The following PPP4R3B variants were observed in gnomAD, a reference collection of about 807,000 sequenced individuals.
PPP4R3B encodes the protein serine/threonine-protein phosphatase 4 regulatory subunit 3B.
PPP4R3B carries 52 observed loss-of-function variants against 95.4 expected under a neutral mutation model. The observed-to-expected ratio is 0.54, with a 90% CI of 0.44 to 0.69. The LOEUF (loss-of-function observed/expected upper bound fraction) is 0.69, where lower values mean the gene tolerates loss of function less well. Among genes scored for constraint, PPP4R3B ranks in the 30% least tolerant of loss-of-function variants. PPP4R3B has a pLI of 0.00. For synonymous variants in PPP4R3B, 407 were observed against 343.9 expected, an observed-to-expected ratio of 1.18 and a Z score of -2.03; for missense variants, 1,003 against 1,005.9, an observed-to-expected ratio of 1.00 and a Z score of 0.04.
chr2:55,591,489 G>GT (rs1691020286), intron 4 of PPP4R3B: 2 of 975,494 alleles, frequency 2.1e-6, no homozygotes, highest in Non-Finnish European at 2.4e-6. Flanking sequence ...GTTAGGGTGA[G>GT]TAAGTACATA....
At chr2:55,555,558 A>G (rs1395585480) in intron 16 of PPP4R3B, among the ~76,000 whole-genome samples, 1 of 152,048 alleles carries the variant, frequency 6.6e-6, no homozygotes, top group Admixed American at 6.6e-5. Context: ...TACTGAAAAT[A>G]CAAAAATTAG....
intron 2 of PPP4R3B, among the ~76,000 whole-genome samples, chr2:55,612,901 G>A (rs545507884): frequency 2.0e-5 from 3 of 149,706 alleles, no homozygotes; most frequent in East Asian, 2.0e-4. Flanking sequence ...AGCAGAAATC[G>A]CACCACCACA....
intron 15 of PPP4R3B, among the ~76,000 whole-genome samples, chr2:55,561,234 A>C (rs1686574676): frequency 1.3e-5 from 2 of 152,198 alleles, no homozygotes; most frequent in Admixed American, 6.5e-5. Flanking sequence ...TGTGGGGTAG[A>C]GGCAAGAACT....
At chr2:55,551,633 C>T (rs1685254732) in intron 16 of PPP4R3B, among the ~76,000 whole-genome samples, 1 of 151,908 alleles carries the variant, frequency 6.6e-6, no homozygotes, top group African/African-American at 2.4e-5. Flanking sequence ...TGCCTGTAAT[C>T]CCAGCTGCTT....
intron 2 of PPP4R3B, among the ~76,000 whole-genome samples, chr2:55,605,652 A>G (rs1693269506): frequency 2.0e-5 from 3 of 152,270 alleles, no homozygotes; most frequent in South Asian, 4.1e-4. Context: ...TCACACCTGT[A>G]ATCCCAACAC....
intron 16 of PPP4R3B, among the ~76,000 whole-genome samples, chr2:55,557,529 A>G (rs1034501901): frequency 6.6e-6 from 1 of 152,246 alleles, no homozygotes; most frequent in Admixed American, 6.5e-5. Flanking sequence ...GTCCCATCAT[A>G]AAGTTGAAAA....
At chr2:55,610,681 C>G (rs879439483) in intron 2 of PPP4R3B, among the ~76,000 whole-genome samples, 12 of 152,178 alleles carry the variant, frequency 7.9e-5, no homozygotes, top group Non-Finnish European at 1.3e-4. Flanking sequence ...TTTGTTGCCT[C>G]ATGTGTGAAA....
chr2:55,592,616 C>T (rs6737995), intron 4 of PPP4R3B, among the ~76,000 whole-genome samples: 34,334 of 151,950 alleles, frequency 0.23, 3,981 homozygotes, highest in East Asian at 0.29. Context: ...AAAACCTTAG[C>T]ATCTGCAAAA....
In PPP4R3B at chr2:55,548,116, C is replaced by T. The variant is rs1406934608; in HGVS notation, c.*1795G>A. ...GTCTTTCTTTCTTACTATATGTACA[C>T]CTTTAATTGAAAAGGTGAGAAAAGC... On this transcript the variant is annotated 3_prime_UTR_variant, in exon 17 of 17. Transcript: ENST00000616407. 6.6e-6 allele frequency: 1 copy of T among 152,162 alleles called. No homozygotes were observed. Among genetic ancestry groups the T allele is most frequent in the Admixed American group, 6.5e-5 (1 of 15,274 alleles). The allele number at this position is 152,162 out of a possible 1,614,324, so 9.4% of individuals were successfully genotyped here. A position where few individuals can be genotyped will look rare whatever the true frequency, so the allele number is the denominator to read the frequency against.
intron 9 of PPP4R3B, among the ~76,000 whole-genome samples, chr2:55,579,220 G>A (rs1452749076): frequency 6.6e-6 from 1 of 151,978 alleles, no homozygotes; most frequent in Non-Finnish European, 1.5e-5. Flanking sequence ...AAATACTAAG[G>A]AAAAAGCCTT....
At chr2:55,586,771 CAT>C (rs1690203274) in intron 5 of PPP4R3B, 37 bp from the exon 6 acceptor site, 2 of 1,293,610 alleles carry the variant, frequency 1.5e-6, no homozygotes, top group East Asian at 4.7e-5. Context: ...CATTGATAAA[CAT>C]AAACTTGGGG....
chr2:55,561,239 AG>A (rs1686576550), intron 15 of PPP4R3B, among the ~76,000 whole-genome samples: 1 of 152,198 alleles, frequency 6.6e-6, no homozygotes, highest in Non-Finnish European at 1.5e-5. Flanking sequence ...GGTAGAGGCA[AG>A]AACTGAGGTT....
chr2:55,592,540 C>A (rs1313170571), intron 4 of PPP4R3B, among the ~76,000 whole-genome samples: 1 of 152,066 alleles, frequency 6.6e-6, no homozygotes, highest in Non-Finnish European at 1.5e-5. Flanking sequence ...TAAAGAGTAT[C>A]TGAAGATTTT....
chr2:55,580,614 G>C (rs1411171383), intron 8 of PPP4R3B, among the ~76,000 whole-genome samples: 1 of 152,098 alleles, frequency 6.6e-6, no homozygotes, highest in Non-Finnish European at 1.5e-5. Context: ...TGGATGAAAA[G>C]ACAAAATTTA....
At chr2:55,556,337 G>A (rs1381162981) in intron 16 of PPP4R3B, among the ~76,000 whole-genome samples, 1 of 152,188 alleles carries the variant, frequency 6.6e-6, no homozygotes, top group Non-Finnish European at 1.5e-5. Context: ...AGTGAAAAAG[G>A]TGTTGGTGCT....
chr2:55,562,956 G>C (rs1406571617), intron 15 of PPP4R3B, among the ~76,000 whole-genome samples: 1 of 152,130 alleles, frequency 6.6e-6, no homozygotes, highest in African/African-American at 2.4e-5. Flanking sequence ...AAATATTCCA[G>C]GTTCCTTTTT....
intron 4 of PPP4R3B, among the ~76,000 whole-genome samples, chr2:55,590,338 A>AAAT (rs538317131): frequency 7.1e-4 from 108 of 152,200 alleles, no homozygotes; most frequent in African/African-American, 2.3e-3. Context: ...AACAACAACA[A>AAAT]AATAATAATA....
At chr2:55,585,999 T>C (rs1690083794) in intron 6 of PPP4R3B, among the ~76,000 whole-genome samples, 1 of 152,054 alleles carries the variant, frequency 6.6e-6, no homozygotes, top group Non-Finnish European at 1.5e-5. Flanking sequence ...TCTAAACACC[T>C]TCTATAAAGC....
At chr2:55,565,169 A>G (rs1303223368) in intron 13 of PPP4R3B, 128 bp from the exon 14 acceptor site, 1 of 682,188 alleles carries the variant, frequency 1.5e-6, no homozygotes, top group Non-Finnish European at 2.3e-6. Context: ...CCAAAATGTA[A>G]TGTCCTGGTT....
Sources: gnomAD v4.1 joint callset for allele counts (sites outside exome capture counted in the v4.1 genomes callset) on GRCh38, gnomAD v4.1.1 for gene constraint, MANE v1.5 for transcripts, NCBI Gene and HGNC (gene_info 2026-07-23, HGNC 2026-07-21) for gene names.